Variants in GLS2 observed in about 807,000 individuals in gnomAD.
The protein encoded by GLS2 is glutaminase liver isoform, mitochondrial.
In GLS2, 52 loss-of-function variants were observed where a neutral mutation model predicts 79.0. The ratio of observed to expected loss-of-function variants is 0.66; its 90% CI spans 0.53 to 0.83. GLS2 has a LOEUF of 0.83. GLS2 is among the 40% of genes least tolerant of loss of function. GLS2 has a pLI of 0.00. For missense variants in GLS2, 561 were observed against 764.8 expected, an observed-to-expected ratio of 0.73 and a Z score of 3.14; for synonymous variants, 238 against 280.8, an observed-to-expected ratio of 0.85 and a Z score of 1.52.
intron 6 of GLS2, 63 bp from the exon 7 acceptor site, chr12:56,477,781 C>A: frequency 1.9e-6 from 3 of 1,569,102 alleles, no homozygotes; most frequent in Non-Finnish European, 2.6e-6. Context: ...ACAGCCCGCT[C>A]ACTTTGTGGG....
chr12:56,479,727 A>C, intron 3 of GLS2, 53 bp downstream of exon 3: 1 of 1,531,896 alleles, frequency 6.5e-7, no homozygotes, highest in Admixed American at 2.1e-5. Flanking sequence ...CTGAGAGTCT[A>C]TGTCCACAGG....
intron 14 of GLS2, 105 bp downstream of exon 14, chr12:56,473,123 T>C: frequency 9.8e-7 from 1 of 1,021,086 alleles, no homozygotes; most frequent in Non-Finnish European, 1.5e-6. Flanking sequence ...TCTCCTGACC[T>C]TGTGATCCGC....
Position 56,479,186 on chromosome 12 carries a change from A to G in GLS2, c.405-5T>C. On this transcript the variant is annotated splice_polypyrimidine_tract_variant and splice_region_variant and intron_variant, in intron 3 of 17. Transcript: ENST00000311966. Reference sequence around the variant, plus strand: ...ACAATGTTGCTGCTCACACACCTGGATCCCAGACACGATTGGATTAGGGGG... The same window carrying G: ...ACAATGTTGCTGCTCACACACCTGGGTCCCAGACACGATTGGATTAGGGGG... 6.2e-7 allele frequency: 1 copy of G among 1,613,206 alleles called. No individual in the cohort carries two copies. The highest frequency in any genetic ancestry group is 1.1e-5 in the South Asian group (1 of 91,066).
chr12:56,471,564 A>C lies in GLS2; in HGVS notation c.1732T>G (p.Ser578Ala), dbSNP rs781087659. 1.2e-6 allele frequency: 2 copies of C among 1,614,116 alleles called. No homozygotes were observed. Among genetic ancestry groups the C allele is most frequent in the Admixed American group, 1.7e-5 (1 of 59,996 alleles). The change falls in exon 18 of 18, where the codon TCC becomes GCC. Residue 578 changes from serine (S) to alanine (A), a missense_variant. By Grantham distance (99) the Ser-to-Ala change is moderately conservative. Transcript: ENST00000311966. ...GCCTGAGTTTCAGAGAGTGTGTAGGAGTCCTGGTAATCTTGAAGCAGTTTG... is the reference window on the plus strand; with the variant it reads ...GCCTGAGTTTCAGAGAGTGTGTAGGCGTCCTGGTAATCTTGAAGCAGTTTG... ...VVKLLQDYQD[S>A]YTLSETQAEA...
At position 56,470,988 on chromosome 12, in the gene GLS2, CT is replaced by C. The variant is rs762095373; in HGVS notation, c.*498del. 2.2e-5 allele frequency: 4 copies of C among 185,454 alleles called. No homozygotes were observed. Among genetic ancestry groups the C allele is most frequent in the African/African-American group, 4.7e-5 (2 of 42,906 alleles). The allele number at this position is 185,454 out of a possible 1,614,324, so 11.5% of individuals were successfully genotyped here. On this transcript the variant is annotated 3_prime_UTR_variant, in exon 18 of 18. Transcript: ENST00000311966. ...TTAAAGTTTATTTGAACACAAAATA[CT>C]TTCTCTGTCTATAAAATTGGCTGTT...
chr12:56,475,143 T>A (rs372721462), intron 9 of GLS2, 33 bp from the exon 10 acceptor site: 15 of 1,613,256 alleles, frequency 9.3e-6, no homozygotes, highest in Non-Finnish European at 1.2e-5. Flanking sequence ...TACTTGAAGT[T>A]GGAGGAGTGG....
At chr12:56,475,905 G>A (rs1565703810) in intron 8 of GLS2, 40 bp downstream of exon 8, 1 of 1,611,030 alleles carries the variant, frequency 6.2e-7, no homozygotes, top group Non-Finnish European at 8.5e-7. Flanking sequence ...AGCATGCCAT[G>A]GCGAAATGCA....
intron 1 of GLS2, among the ~76,000 whole-genome samples, chr12:56,484,813 G>C (rs979823410): frequency 7.2e-5 from 11 of 151,956 alleles, no homozygotes; most frequent in African/African-American, 2.7e-4. Flanking sequence ...AAAAAAGCAA[G>C]GTATAGGAAC....
chr12:56,472,805 G>A, intron 14 of GLS2, 54 bp from the exon 15 acceptor site: 3 of 1,518,446 alleles, frequency 2.0e-6, no homozygotes, highest in East Asian at 2.3e-5. Context: ...TATGCCAGCT[G>A]TGCCCTGTGA....
chr12:56,486,456 G>T (rs1870693674), intron 1 of GLS2, among the ~76,000 whole-genome samples: 1 of 152,300 alleles, frequency 6.6e-6, no homozygotes, highest in African/African-American at 2.4e-5. Flanking sequence ...AGGAGGGAGA[G>T]GGCTTATCCT....
chr12:56,473,517 C>T lies in GLS2; in HGVS notation c.1302G>A (p.Leu434=). ...TCCCCAGCTTGTCCAATGGGGGTGA[C>T]AGGCACATCATTCCCATGACATTGG... ...VVPNVMGMMC[L]SPPLDKLGNS... Residue 434 remains leucine (L), a synonymous_variant, in exon 13 of 18, where the codon CTG becomes CTA. Transcript: ENST00000311966. The T allele has an allele frequency of 3.7e-6, 6 of 1,613,890 alleles. No homozygotes were observed. Among genetic ancestry groups the T allele is most frequent in the Non-Finnish European group, 5.1e-6 (6 of 1,180,020 alleles).
At chr12:56,473,694 T>G (rs927305718) in intron 12 of GLS2, 100 bp from the exon 13 acceptor site, 18 of 1,429,800 alleles carry the variant, frequency 1.3e-5, no homozygotes, top group Non-Finnish European at 2.8e-6. Flanking sequence ...AATGACTGCA[T>G]GACCACAATC....
chr12:56,478,366 C>A, intron 4 of GLS2, 104 bp from the exon 5 acceptor site: 1 of 1,243,956 alleles, frequency 8.0e-7, no homozygotes, highest in Non-Finnish European at 1.1e-6. Context: ...AAAATTCTGT[C>A]TTCTATAGGG....
intron 1 of GLS2, chr12:56,487,654 C>T: frequency 2.0e-6 from 1 of 504,488 alleles, no homozygotes; most frequent in Non-Finnish European, 3.5e-6. Flanking sequence ...ACACGTGAGC[C>T]AAGCAACACT....
At chr12:56,479,264 GA>G in intron 3 of GLS2, 83 bp from the exon 4 acceptor site, 14 of 1,548,842 alleles carry the variant, frequency 9.0e-6, no homozygotes, top group Non-Finnish European at 1.2e-5. Flanking sequence ...TGGGAATAAA[GA>G]AGGTTGAGTG....
At position 56,472,148 on chromosome 12, in the gene GLS2, C is replaced by T. The variant is rs372757263; in HGVS notation, c.1559G>A (p.Arg520His). The T allele has an allele frequency of 1.4e-5, 22 of 1,614,122 alleles. No individual in the cohort carries two copies. In the African/African-American group the frequency reaches 2.0e-4, roughly 15 times the overall value. ...AGCTGCAGCAACATGCAGAGCTGTG[C>T]GCGAGTCATAGTCTTTCTGTTCCAT... ...MDMEQKDYDS[R>H]TALHVAAAEG... The change falls in exon 16 of 18, where the codon CGC becomes CAC. Residue 520 changes from arginine to histidine, a missense_variant. Coordinates refer to ENST00000311966, the MANE Select transcript of GLS2 (RefSeq NM_013267.4).
chr12:56,473,883 A>C (rs1020709889), intron 12 of GLS2: 1 of 304,532 alleles, frequency 3.3e-6, no homozygotes, highest in Non-Finnish European at 6.0e-6. Flanking sequence ...ATAAACAGGT[A>C]AATAAATAGA....
intron 1 of GLS2, among the ~76,000 whole-genome samples, chr12:56,482,900 CAG>C (rs992108192): frequency 2.0e-5 from 3 of 151,680 alleles, no homozygotes; most frequent in African/African-American, 7.3e-5. Flanking sequence ...CCCAGCCAAG[CAG>C]AGTTATTTTA....
At chr12:56,482,588 C>A (rs7314242) in intron 1 of GLS2, among the ~76,000 whole-genome samples, 61,456 of 151,946 alleles carry the variant, frequency 0.4, 13,608 homozygotes, top group African/African-American at 0.59. Context: ...TCTTCCTAGC[C>A]CTCAGCAAAG....
Sources: gnomAD v4.1 joint callset for allele counts (sites outside exome capture counted in the v4.1 genomes callset) on GRCh38, gnomAD v4.1.1 for gene constraint, MANE v1.5 for transcripts, NCBI Gene and HGNC (gene_info 2026-07-23, HGNC 2026-07-21) for gene names.